Variants in ARFGEF3 observed in about 807,000 individuals in gnomAD.
ARFGEF3 encodes brefeldin A-inhibited guanine nucleotide-exchange protein 3.
A neutral mutation model predicts 221.7 loss-of-function variants in ARFGEF3; 96 were observed. The observed-to-expected ratio is 0.43, with a 90% CI of 0.37 to 0.51. The LOEUF (loss-of-function observed/expected upper bound fraction) is 0.51, where lower values mean the gene tolerates loss of function less well. Ranked by LOEUF, ARFGEF3 falls within the 20% of genes least tolerant of loss-of-function variation. ARFGEF3 has a pLI of 0.00. For synonymous variants in ARFGEF3, 1,145 were observed against 1,126.8 expected (o/e 1.02, Z -0.32); for missense variants, 2,410 against 2,789.9 (o/e 0.86, Z 3.07).
intron 12 of ARFGEF3, among the ~76,000 whole-genome samples, chr6:138,269,803 ATC>A (rs1778966419): frequency 6.6e-6 from 1 of 150,674 alleles, no homozygotes; most frequent in African/African-American, 2.5e-5. Flanking sequence ...GCCAAACCCT[ATC>A]TCAAAAAAAG....
chr6:138,247,191 G>T (rs965155037), intron 8 of ARFGEF3, among the ~76,000 whole-genome samples: 1 of 152,118 alleles, frequency 6.6e-6, no homozygotes, highest in African/African-American at 2.4e-5. Flanking sequence ...GATGTAAATA[G>T]TTCCTGCTGT....
At chr6:138,178,447 T>C (rs1776999443) in intron 2 of ARFGEF3, among the ~76,000 whole-genome samples, 1 of 152,186 alleles carries the variant, frequency 6.6e-6, no homozygotes, top group Admixed American at 6.5e-5. Context: ...ATCCTACTTA[T>C]CCTTGAAGAC....
intron 2 of ARFGEF3, among the ~76,000 whole-genome samples, chr6:138,188,987 T>A (rs937796021): frequency 2.0e-5 from 3 of 152,220 alleles, no homozygotes; most frequent in African/African-American, 7.2e-5. Flanking sequence ...AGTTGCTGTT[T>A]ATGGGAAAAT....
intron 26 of ARFGEF3, among the ~76,000 whole-genome samples, chr6:138,315,672 A>G (rs557030191): frequency 6.6e-6 from 1 of 152,254 alleles, no homozygotes; most frequent in African/African-American, 2.4e-5. Flanking sequence ...CAACATGGTG[A>G]AACCCAGTAT....
intron 4 of ARFGEF3, among the ~76,000 whole-genome samples, chr6:138,228,154 C>T (rs556187582): frequency 1.3e-5 from 2 of 150,806 alleles, no homozygotes; most frequent in South Asian, 2.1e-4. Flanking sequence ...TTTTCTCAAT[C>T]GCCATGGCAC....
At chr6:138,268,659 A>G (rs556883280) in intron 12 of ARFGEF3, among the ~76,000 whole-genome samples, 1 of 152,344 alleles carries the variant, frequency 6.6e-6, no homozygotes, top group African/African-American at 2.4e-5. Context: ...CCTGGATAGA[A>G]CAAAGTGACG....
intron 1 of ARFGEF3, among the ~76,000 whole-genome samples, chr6:138,169,472 C>A (rs7749388): frequency 6.6e-6 from 1 of 152,202 alleles, no homozygotes. Flanking sequence ...CTCTGTCCTG[C>A]GGGAAAACCA....
At chr6:138,296,663 A>G in intron 20 of ARFGEF3, 147 bp from the exon 21 acceptor site, 6 of 909,620 alleles carry the variant, frequency 6.6e-6, no homozygotes, top group Non-Finnish European at 1.0e-5. Context: ...ATCCTTCTTG[A>G]ATCCAGGGCT....
At chr6:138,260,395 C>T (rs538869561) in intron 10 of ARFGEF3, among the ~76,000 whole-genome samples, 1 of 152,334 alleles carries the variant, frequency 6.6e-6, no homozygotes, top group African/African-American at 2.4e-5. Flanking sequence ...ACTGCAGACA[C>T]ACTGCATTAA....
chr6:138,179,877 A>G (rs1050155449), intron 2 of ARFGEF3, among the ~76,000 whole-genome samples: 2 of 152,190 alleles, frequency 1.3e-5, no homozygotes, highest in Non-Finnish European at 2.9e-5. Context: ...GAGCACAATC[A>G]TAGCTCATTG....
intron 8 of ARFGEF3, 78 bp from the exon 9 acceptor site, chr6:138,253,802 G>T (rs775001758): frequency 8.8e-7 from 1 of 1,138,844 alleles, no homozygotes; most frequent in South Asian, 1.4e-5. Flanking sequence ...CCATTTTTCC[G>T]AGCGTGTTTC....
chr6:138,220,658 G>T (rs1777968219), intron 4 of ARFGEF3, among the ~76,000 whole-genome samples: 1 of 152,134 alleles, frequency 6.6e-6, no homozygotes, highest in African/African-American at 2.4e-5. Flanking sequence ...CAACCTTTGG[G>T]TGCAAGTTCT....
intron 29 of ARFGEF3, among the ~76,000 whole-genome samples, chr6:138,321,896 T>C (rs1048201666): frequency 6.6e-6 from 1 of 150,718 alleles, no homozygotes; most frequent in East Asian, 1.9e-4. Flanking sequence ...TTAATGGACT[T>C]ACAGTTCCAC....
chr6:138,237,202 A>T (rs1778302921), intron 5 of ARFGEF3, among the ~76,000 whole-genome samples: 1 of 152,228 alleles, frequency 6.6e-6, no homozygotes, highest in Admixed American at 6.5e-5. Flanking sequence ...AGCAACAAAG[A>T]TTAAAATGTA....
intron 32 of ARFGEF3, among the ~76,000 whole-genome samples, chr6:138,333,588 G>A (rs1469756676): frequency 5.9e-5 from 9 of 152,060 alleles, no homozygotes; most frequent in African/African-American, 1.7e-4. Flanking sequence ...GACTACAGGT[G>A]CCCGCCACCA....
At chr6:138,171,259 C>T (rs932240216) in intron 2 of ARFGEF3, among the ~76,000 whole-genome samples, 2 of 151,704 alleles carry the variant, frequency 1.3e-5, no homozygotes, top group African/African-American at 4.9e-5. Flanking sequence ...ATTGCATTCG[C>T]TCCCCCTGTC....
rs192972621 is a variant in ARFGEF3, at chr6:138,301,386, C to T, written c.3828+2601C>T. Among the ~76,000 whole-genome samples, 248 of 152,292 alleles carry T rather than the reference C, an allele frequency of 1.6e-3. 1 individual carries two copies. The highest frequency in any genetic ancestry group is 3.0e-3 in the Non-Finnish European group (205 of 68,026). Reference sequence around the variant, plus strand: ...CACCTTTACTCCCAAGCTCTATTGGCAAGAATAGTAGTTTGACCAGCGTGA... The same window carrying T: ...CACCTTTACTCCCAAGCTCTATTGGTAAGAATAGTAGTTTGACCAGCGTGA... On this transcript the variant is annotated intron_variant, in intron 22 of 33. Transcript: ENST00000251691.
At chr6:138,275,968 A>G (rs939938070) in intron 12 of ARFGEF3, among the ~76,000 whole-genome samples, 30 of 152,234 alleles carry the variant, frequency 2.0e-4, no homozygotes, top group Admixed American at 2.0e-3. Context: ...TGCAGAGTGT[A>G]TGGACATGTG....
At chr6:138,318,029 A>T (rs1779957171) in intron 27 of ARFGEF3, among the ~76,000 whole-genome samples, 1 of 152,228 alleles carries the variant, frequency 6.6e-6, no homozygotes, top group Non-Finnish European at 1.5e-5. Context: ...TAGAAATTTA[A>T]GTATTTTACT....
Sources: allele counts gnomAD v4.1 joint callset (sites outside exome capture counted in the v4.1 genomes callset), GRCh38; gene constraint gnomAD v4.1.1; transcripts MANE v1.5; gene names NCBI Gene and HGNC (gene_info 2026-07-23, HGNC 2026-07-21).